Variants in SLC39A11 observed in about 807,000 individuals in gnomAD.
SLC39A11 encodes solute carrier family 39 member 11.
In SLC39A11, 33 loss-of-function variants were observed where a neutral mutation model predicts 36.1. The observed-to-expected ratio is 0.91, with a 90% CI of 0.69 to 1.22. The LOEUF is 1.22. SLC39A11 is among the 50% of genes most tolerant of loss of function. The probability of loss-of-function intolerance (pLI) is 0.00; values close to 1 mark genes in which losing one functional copy is unlikely to be tolerated. For synonymous variants in SLC39A11, 166 were observed against 170.3 expected (o/e 0.97, Z 0.20); for missense variants, 432 against 430.3 (o/e 1.00, Z -0.03).
chr17:72,842,004 A>G (rs896381717), intron 6 of SLC39A11, among the ~76,000 whole-genome samples: 1 of 151,958 alleles, frequency 6.6e-6, no homozygotes, highest in Non-Finnish European at 1.5e-5. Flanking sequence ...CCCAAGGTTG[A>G]GGCCGCAGTG....
At chr17:72,840,754 TC>T (rs1390323112) in intron 6 of SLC39A11, among the ~76,000 whole-genome samples, 2 of 149,416 alleles carry the variant, frequency 1.3e-5, no homozygotes, top group Non-Finnish European at 3.0e-5. Context: ...CGAGACTCCA[TC>T]TCAAAAAGAA....
chr17:72,999,264 A>G (rs977083248), intron 4 of SLC39A11, among the ~76,000 whole-genome samples: 1 of 152,174 alleles, frequency 6.6e-6, no homozygotes, highest in African/African-American at 2.4e-5. Flanking sequence ...ACTGTCTCTC[A>G]TTCTCTCACT....
At chr17:73,057,388 A>G (rs2059701951) in intron 3 of SLC39A11, among the ~76,000 whole-genome samples, 1 of 152,186 alleles carries the variant, frequency 6.6e-6, no homozygotes, top group African/African-American at 2.4e-5. Context: ...GATGAGAAAA[A>G]ATATTTTATG....
intron 3 of SLC39A11, among the ~76,000 whole-genome samples, chr17:73,064,085 CAA>C (rs58225858): frequency 6.8e-6 from 1 of 145,986 alleles, no homozygotes; most frequent in African/African-American, 2.5e-5. Flanking sequence ...AATGCTACAG[CAA>C]AAAAAAAAGG....
intron 4 of SLC39A11, among the ~76,000 whole-genome samples, chr17:72,960,710 G>A (rs1465951608): frequency 6.6e-6 from 1 of 151,954 alleles, no homozygotes; most frequent in Non-Finnish European, 1.5e-5. Context: ...CCAGCTACTA[G>A]GGAGGCAGGA....
intron 3 of SLC39A11, among the ~76,000 whole-genome samples, chr17:73,045,420 T>C (rs935803106): frequency 8.8e-6 from 1 of 114,192 alleles, no homozygotes. Flanking sequence ...AAAGCCTCCA[T>C]GCCCAGTCCT....
intron 5 of SLC39A11, among the ~76,000 whole-genome samples, chr17:72,879,393 CT>C (rs755107748): frequency 1.3e-5 from 2 of 152,346 alleles, no homozygotes; most frequent in Non-Finnish European, 2.9e-5. Context: ...AAAAGATTCT[CT>C]TATCAACTCC....
chr17:72,988,181 A>G (rs2148259754), intron 4 of SLC39A11, among the ~76,000 whole-genome samples: 1 of 152,350 alleles, frequency 6.6e-6, no homozygotes, highest in African/African-American at 2.4e-5. Context: ...GGCTGGGCAC[A>G]GTGGCTCACG....
rs868702069 is a variant in SLC39A11, at chr17:73,075,878, T to C, written c.147+8930A>G. Among the ~76,000 whole-genome samples the C allele has an allele frequency of 2.0e-5, 3 of 152,278 alleles. No homozygotes were observed. In the South Asian group the frequency reaches 6.2e-4, roughly 32 times the overall value. ...AAAAAAATCCCAGATCTGCTCACCATGTGATACTGAATTTATTTAAACTCA... is the reference window on the plus strand; with the variant it reads ...AAAAAAATCCCAGATCTGCTCACCACGTGATACTGAATTTATTTAAACTCA... On this transcript the variant is annotated intron_variant, in intron 3 of 9. Coordinates refer to ENST00000255559, the MANE Select transcript of SLC39A11 (RefSeq NM_139177.4).
intron 3 of SLC39A11, among the ~76,000 whole-genome samples, chr17:73,066,386 T>G (rs937607838): frequency 1.3e-5 from 2 of 152,102 alleles, no homozygotes; most frequent in East Asian, 3.9e-4. Context: ...GGAAATAAAT[T>G]GTTGTCTTAA....
chr17:72,947,331 C>T (rs2085495924), intron 5 of SLC39A11, among the ~76,000 whole-genome samples: 1 of 151,266 alleles, frequency 6.6e-6, no homozygotes, highest in African/African-American at 2.4e-5. Context: ...AAAAAAAAAT[C>T]CACAGCAGTC....
chr17:72,848,003 G>A (rs758965454), intron 6 of SLC39A11, among the ~76,000 whole-genome samples: 2 of 152,218 alleles, frequency 1.3e-5, no homozygotes, highest in Non-Finnish European at 2.9e-5. Context: ...ACAACAAAAG[G>A]TGGGTCAGCA....
At chr17:73,019,670 A>C (rs2058279302) in intron 4 of SLC39A11, among the ~76,000 whole-genome samples, 1 of 152,218 alleles carries the variant, frequency 6.6e-6, no homozygotes, top group Non-Finnish European at 1.5e-5. Flanking sequence ...AAACTATTTT[A>C]TTAACCCAAA....
intron 7 of SLC39A11, among the ~76,000 whole-genome samples, chr17:72,696,452 G>T (rs1034670837): frequency 9.9e-5 from 15 of 152,226 alleles, no homozygotes; most frequent in African/African-American, 3.4e-4. Flanking sequence ...GCTCAGGGAG[G>T]GTAAGTGACT....
Position 73,009,285 on chromosome 17 carries a change from C to T in SLC39A11, c.306+22271G>A, listed in dbSNP as rs80214817. 4.4e-3 allele frequency among the ~76,000 whole-genome samples: 639 copies of T among 145,706 alleles called. 6 individuals are homozygous for T. In the South Asian group the frequency reaches 0.048, roughly 11 times the overall value. ...GGGGGAGGCTGAGGCAGGAGAATGG[C>T]GTGAGCTTGCAGTGAGCCGAGATTG... On this transcript the variant is annotated intron_variant, in intron 4 of 9. Transcript: ENST00000255559.
At chr17:72,865,916 T>G (rs1158356968) in intron 5 of SLC39A11, among the ~76,000 whole-genome samples, 2 of 152,130 alleles carry the variant, frequency 1.3e-5, no homozygotes, top group Admixed American at 1.3e-4. Flanking sequence ...ACAGACAAAT[T>G]AGATAGTCGG....
intron 3 of SLC39A11, among the ~76,000 whole-genome samples, chr17:73,058,855 A>G (rs2059752216): frequency 6.6e-6 from 1 of 152,184 alleles, no homozygotes; most frequent in African/African-American, 2.4e-5. Flanking sequence ...AAAGTAATTA[A>G]TATACCAAAA....
At chr17:72,962,347 G>A (rs1466043720) in intron 4 of SLC39A11, among the ~76,000 whole-genome samples, 1 of 152,134 alleles carries the variant, frequency 6.6e-6, no homozygotes, top group African/African-American at 2.4e-5. Flanking sequence ...AGTCCCACAG[G>A]CTGAAATGAA....
At chr17:72,682,536 C>T (rs78848597) in intron 7 of SLC39A11, among the ~76,000 whole-genome samples, 5,819 of 152,294 alleles carry the variant, frequency 0.038, 357 homozygotes, top group African/African-American at 0.13. Flanking sequence ...CCGGTGCCCC[C>T]AAGCCCCACA....
Sources: allele counts gnomAD v4.1 joint callset (sites outside exome capture counted in the v4.1 genomes callset), GRCh38; gene constraint gnomAD v4.1.1; transcripts MANE v1.5; gene names NCBI Gene and HGNC (gene_info 2026-07-23, HGNC 2026-07-21).